KLHL1: variants seen among roughly 807,000 people sequenced by gnomAD.
KLHL1 encodes the protein kelch like family member 1.
KLHL1 carries 47 observed loss-of-function variants against 77.7 expected under a neutral mutation model. The observed-to-expected ratio is 0.60, with a 90% CI of 0.48 to 0.77. KLHL1 has a LOEUF of 0.77. KLHL1 is among the 30% of genes least tolerant of loss of function. The probability of loss-of-function intolerance (pLI) is 0.00; values close to 1 mark genes in which losing one functional copy is unlikely to be tolerated. For missense variants in KLHL1, 925 were observed against 910.8 expected (o/e 1.02, Z -0.20); for synonymous variants, 360 against 325.2 (o/e 1.11, Z -1.15).
At chr13:69,893,485 C>T (rs886558577) in intron 4 of KLHL1, among the ~76,000 whole-genome samples, 2 of 152,232 alleles carry the variant, frequency 1.3e-5, no homozygotes, top group South Asian at 2.1e-4. Flanking sequence ...CCACCCGCCT[C>T]GGCCTCCCAA....
At chr13:69,745,906 AT>A (rs1281560994) in intron 7 of KLHL1, among the ~76,000 whole-genome samples, 1 of 151,688 alleles carries the variant, frequency 6.6e-6, no homozygotes, top group South Asian at 2.1e-4. Flanking sequence ...AATACACAAA[AT>A]TTTTTAGATA....
At chr13:69,816,310 G>C (rs1181397636) in intron 6 of KLHL1, among the ~76,000 whole-genome samples, 1 of 150,564 alleles carries the variant, frequency 6.6e-6, no homozygotes, top group African/African-American at 2.4e-5. Flanking sequence ...ACCCAGGCTG[G>C]AGTGCAGTAG....
At chr13:69,808,259 C>T (rs1176108176) in intron 6 of KLHL1, among the ~76,000 whole-genome samples, 1 of 152,050 alleles carries the variant, frequency 6.6e-6, no homozygotes, top group African/African-American at 2.4e-5. Context: ...TGACTACAGG[C>T]AAACATACCC....
chr13:70,017,291 A>T (rs1885681536), intron 1 of KLHL1, among the ~76,000 whole-genome samples: 1 of 152,228 alleles, frequency 6.6e-6, no homozygotes, highest in Admixed American at 6.5e-5. Flanking sequence ...TCCCTGAGCC[A>T]GGGTTGTGAC....
In KLHL1 at chr13:69,787,064, C is replaced by T. The variant is rs571718791; in HGVS notation, c.1639+9674G>A. Among the ~76,000 whole-genome samples the T allele has an allele frequency of 1.9e-3, 286 of 152,192 alleles. 2 individuals are homozygous for T. Among genetic ancestry groups the T allele is most frequent in the African/African-American group, 6.2e-3 (259 of 41,514 alleles). ...GCTCATGGGTAGGAAGAATCAATAT[C>T]GTGAAAATGGCCATACTGCCCAAGG... On this transcript the variant is annotated intron_variant, in intron 7 of 10. Coordinates refer to ENST00000377844, the MANE Select transcript of KLHL1 (RefSeq NM_020866.3).
intron 4 of KLHL1, among the ~76,000 whole-genome samples, chr13:69,917,748 G>C (rs1472132803): frequency 6.6e-6 from 1 of 151,586 alleles, no homozygotes; most frequent in Admixed American, 6.6e-5. Flanking sequence ...GGTTTTTTTT[G>C]GTTTGTTTTT....
chr13:69,875,086 G>A (rs1880715648), intron 5 of KLHL1, among the ~76,000 whole-genome samples: 1 of 152,058 alleles, frequency 6.6e-6, no homozygotes, highest in African/African-American at 2.4e-5. Flanking sequence ...AATTAGCAAC[G>A]ACAGTTGAGC....
chr13:70,086,617 AGAAAG>A (rs1887549422), intron 1 of KLHL1, among the ~76,000 whole-genome samples: 8 of 117,994 alleles, frequency 6.8e-5, no homozygotes, highest in South Asian at 2.5e-4. Context: ...AAAGAAAGAA[AGAAAG>A]AAAGAAAGAA....
At chr13:69,813,335 G>T (rs986858380) in intron 6 of KLHL1, among the ~76,000 whole-genome samples, 4 of 151,552 alleles carry the variant, frequency 2.6e-5, no homozygotes. Context: ...GGGGTGGGGG[G>T]AGAGGGGAGG....
intron 4 of KLHL1, among the ~76,000 whole-genome samples, chr13:69,888,230 C>T (rs1385870778): frequency 6.6e-6 from 1 of 152,126 alleles, no homozygotes; most frequent in Non-Finnish European, 1.5e-5. Context: ...ACCCAAATAC[C>T]TCACAATGTC....
chr13:69,871,217 C>T lies in KLHL1; in HGVS notation c.1227+11066G>A, dbSNP rs146719658. 1.6e-3 allele frequency among the ~76,000 whole-genome samples: 237 copies of T among 152,224 alleles called. 1 individual carries two copies. The highest frequency in any genetic ancestry group is 5.3e-3 in the African/African-American group (219 of 41,552). On this transcript the variant is annotated intron_variant, in intron 5 of 10. Coordinates refer to ENST00000377844, the MANE Select transcript of KLHL1 (RefSeq NM_020866.3). ...CAATGGCCTAAGCAGTACCCAGGGT[C>T]CTTTAAACCACAGCTGGAGCAGCCT...
intron 6 of KLHL1, among the ~76,000 whole-genome samples, chr13:69,825,201 T>C (rs570792431): frequency 6.6e-6 from 1 of 152,198 alleles, no homozygotes; most frequent in Non-Finnish European, 1.5e-5. Flanking sequence ...TTCTACATAA[T>C]TGAATTGGTC....
intron 1 of KLHL1, among the ~76,000 whole-genome samples, chr13:70,098,437 T>C (rs1887844333): frequency 6.6e-6 from 1 of 151,896 alleles, no homozygotes; most frequent in Non-Finnish European, 1.5e-5. Context: ...AAATCTATAC[T>C]TTTACATTAT....
At position 69,940,292 on chromosome 13, in the gene KLHL1, A is replaced by G. The variant is rs1593969843; in HGVS notation, c.818-56T>C. ...CTTTTAAAAACATGAAATAATATGTATCATAACACTACACAAAACATTAGG... is the reference window on the plus strand; with the variant it reads ...CTTTTAAAAACATGAAATAATATGTGTCATAACACTACACAAAACATTAGG... On this transcript the variant is annotated intron_variant, in intron 3 of 10. Coordinates refer to ENST00000377844, the MANE Select transcript of KLHL1 (RefSeq NM_020866.3). 6 of 1,318,346 alleles carry G rather than the reference A, an allele frequency of 4.6e-6. No homozygotes were observed. In the East Asian group the frequency reaches 1.5e-4, roughly 33 times the overall value. The allele number at this position is 1,318,346 out of a possible 1,614,324, so 81.7% of individuals were successfully genotyped here.
chr13:69,967,768 C>G (rs1884259531), intron 2 of KLHL1, among the ~76,000 whole-genome samples: 1 of 151,846 alleles, frequency 6.6e-6, no homozygotes, highest in Non-Finnish European at 1.5e-5. Flanking sequence ...GCCTGTAATC[C>G]CAGCTACTCA....
Position 70,107,504 on chromosome 13 carries a change from T to C in KLHL1, c.196A>G (p.Ser66Gly). ...LLKSQERSGV[S>G]TFWKKPSSSS... ...GAGGAAGGCTTCTTCCAGAAAGTGC[T>C]CACACCGCTTCTCTCTTGGCTTTTG... Residue 66 changes from serine to glycine, a missense_variant, in exon 1 of 11, where the codon AGC (serine) becomes GGC (glycine). Physicochemically the swap from Ser to Gly is moderately conservative, Grantham distance 56. Transcript: ENST00000377844. 1 of 1,611,336 alleles carries C rather than the reference T, an allele frequency of 6.2e-7. No homozygotes were observed. The highest frequency in any genetic ancestry group is 2.2e-5 in the East Asian group (1 of 44,854).
chr13:69,785,648 G>C (rs7991591), intron 7 of KLHL1, among the ~76,000 whole-genome samples: 1 of 144,144 alleles, frequency 6.9e-6, no homozygotes, highest in Non-Finnish European at 1.5e-5. Context: ...GGCAAGAAAT[G>C]ACTAAAATCA....
intron 7 of KLHL1, among the ~76,000 whole-genome samples, chr13:69,791,985 C>T (rs9788380): frequency 0.18 from 27,394 of 151,932 alleles, 3,101 homozygotes; most frequent in South Asian, 0.31. Flanking sequence ...AATTGCAGAG[C>T]GTCAGGAGAA....
intron 1 of KLHL1, among the ~76,000 whole-genome samples, chr13:69,995,653 A>G (rs1166245475): frequency 1.3e-5 from 2 of 152,134 alleles, no homozygotes; most frequent in Admixed American, 6.6e-5. Flanking sequence ...GAGTTATTAA[A>G]TGTGATCCCT....
Sources: gnomAD v4.1 joint callset for allele counts (sites outside exome capture counted in the v4.1 genomes callset) on GRCh38, gnomAD v4.1.1 for gene constraint, MANE v1.5 for transcripts, NCBI Gene and HGNC (gene_info 2026-07-23, HGNC 2026-07-21) for gene names.